Variants in ATP8A2 observed in about 807,000 individuals in gnomAD.
The protein encoded by ATP8A2 is phospholipid-transporting ATPase IB.
Under a neutral mutation model 165.6 loss-of-function variants are expected in ATP8A2, and 100 were observed. That is an observed-to-expected ratio of 0.60 (90% CI 0.51 to 0.71). ATP8A2 has a LOEUF of 0.71. Among genes scored for constraint, ATP8A2 ranks in the 30% least tolerant of loss-of-function variants. The probability of loss-of-function intolerance (pLI) is 0.00; values close to 1 mark genes in which losing one functional copy is unlikely to be tolerated. For missense variants in ATP8A2, 1,227 were observed against 1,479.5 expected (o/e 0.83, Z 2.80); for synonymous variants, 543 against 548.8 (o/e 0.99, Z 0.15).
At position 25,514,180 on chromosome 13, in the gene ATP8A2, C is replaced by T. The variant is rs916765397; in HGVS notation, c.222-15819C>T. ...TATTTTAGTTAGGCTAGCGTACTTC[C>T]AATTGCCAATAGCCATTTTATTCTG... On this transcript the variant is annotated intron_variant, in intron 2 of 36. Transcript: ENST00000381655. Among the ~76,000 whole-genome samples the T allele has an allele frequency of 3.4e-4, 52 of 152,138 alleles. 2 individuals carry two copies. Among genetic ancestry groups the T allele is most frequent in the Non-Finnish European group, 2.4e-4 (16 of 68,036 alleles).
At chr13:25,806,633 A>G (rs573091988) in intron 27 of ATP8A2, among the ~76,000 whole-genome samples, 4 of 152,242 alleles carry the variant, frequency 2.6e-5, no homozygotes, top group South Asian at 4.1e-4. Context: ...TTTCACTGCT[A>G]TGAACATCTG....
At chr13:25,471,353 G>GTT (rs1295573875) in intron 2 of ATP8A2, among the ~76,000 whole-genome samples, 23 of 143,814 alleles carry the variant, frequency 1.6e-4, no homozygotes, top group Admixed American at 2.1e-4. Flanking sequence ...GGAAGGTAAA[G>GTT]TTTTTTTTTT....
chr13:25,698,826 A>G (rs2042889869), intron 24 of ATP8A2, among the ~76,000 whole-genome samples: 1 of 152,212 alleles, frequency 6.6e-6, no homozygotes, highest in Non-Finnish European at 1.5e-5. Context: ...GAGAAATGTT[A>G]GTGTTTGCCA....
intron 2 of ATP8A2, among the ~76,000 whole-genome samples, chr13:25,510,259 C>T (rs1293068721): frequency 2.0e-5 from 3 of 151,346 alleles, no homozygotes; most frequent in African/African-American, 7.3e-5. Flanking sequence ...ACAGATTGTA[C>T]ACTTTGGGTA....
chr13:25,704,601 G>T (rs1260383924), intron 25 of ATP8A2, among the ~76,000 whole-genome samples: 1 of 152,062 alleles, frequency 6.6e-6, no homozygotes, highest in East Asian at 1.9e-4. Flanking sequence ...CTCCCAAAGT[G>T]CTGAGATTAC....
At chr13:26,008,408 G>C (rs1162080244) in intron 35 of ATP8A2, among the ~76,000 whole-genome samples, 1 of 152,140 alleles carries the variant, frequency 6.6e-6, no homozygotes, top group Non-Finnish European at 1.5e-5. Flanking sequence ...TTTAGATAAA[G>C]CTGAAGGGAG....
intron 1 of ATP8A2, among the ~76,000 whole-genome samples, chr13:25,414,922 T>G (rs1398067876): frequency 6.6e-6 from 1 of 152,184 alleles, no homozygotes; most frequent in African/African-American, 2.4e-5. Flanking sequence ...TGGCACAGGG[T>G]CATGCAGAGC....
rs17082919 is a variant in ATP8A2 at position 25,977,669 on chromosome 13, G to A, written c.3377+8990G>A. ...GTTGTTGTTATTGTTCTTATGGACC[G>A]ATGTTTAATAATTAGAAAATTTTTA... On this transcript the variant is annotated intron_variant, in intron 35 of 36. Coordinates refer to ENST00000381655, the MANE Select transcript of ATP8A2 (RefSeq NM_016529.6). Among the ~76,000 whole-genome samples the A allele has an allele frequency of 1.8e-3, 267 of 152,262 alleles. 1 individual carries two copies. Among genetic ancestry groups the A allele is most frequent in the African/African-American group, 6.0e-3 (251 of 41,548 alleles).
intron 25 of ATP8A2, among the ~76,000 whole-genome samples, chr13:25,745,143 A>G (rs942866038): frequency 5.9e-5 from 9 of 152,072 alleles, no homozygotes; most frequent in Admixed American, 1.3e-4. Flanking sequence ...GGGTTTTGCC[A>G]TGTTGGCCAG....
intron 1 of ATP8A2, 159 bp from the exon 2 acceptor site, chr13:25,468,818 C>A (rs1237968851): frequency 1.0e-6 from 1 of 983,702 alleles, no homozygotes; most frequent in Admixed American, 6.2e-5. Flanking sequence ...GCACAGGCGG[C>A]GGCGTCTCCA....
intron 27 of ATP8A2, among the ~76,000 whole-genome samples, chr13:25,775,519 A>G (rs987699413): frequency 3.9e-5 from 6 of 152,158 alleles, no homozygotes; most frequent in East Asian, 1.9e-4. Context: ...GTCATTGACA[A>G]TATTGCAGTG....
chr13:25,992,347 A>G (rs1198420335), intron 35 of ATP8A2, among the ~76,000 whole-genome samples: 2 of 151,430 alleles, frequency 1.3e-5, no homozygotes, highest in African/African-American at 2.4e-5. Context: ...TTTGCCAACT[A>G]TAGTCACTCT....
At chr13:25,522,245 G>T (rs562310445) in intron 2 of ATP8A2, among the ~76,000 whole-genome samples, 1 of 152,114 alleles carries the variant, frequency 6.6e-6, no homozygotes. Context: ...AAATGAGATT[G>T]TTTTCTTGAT....
chr13:25,555,347 T>C (rs1056996139), intron 13 of ATP8A2, among the ~76,000 whole-genome samples: 1 of 152,040 alleles, frequency 6.6e-6, no homozygotes, highest in Non-Finnish European at 1.5e-5. Context: ...TTTGGGACGC[T>C]TAAAAAAGTG....
intron 4 of ATP8A2, among the ~76,000 whole-genome samples, chr13:25,531,525 TTACA>T (rs1488456315): frequency 6.7e-6 from 1 of 150,260 alleles, no homozygotes; most frequent in Non-Finnish European, 1.5e-5. Context: ...CTCTCCTCCC[TTACA>T]TACACACACA....
intron 1 of ATP8A2, among the ~76,000 whole-genome samples, chr13:25,422,238 T>C (rs951142038): frequency 3.9e-5 from 6 of 152,232 alleles, no homozygotes; most frequent in Non-Finnish European, 5.9e-5. Context: ...AGAGGCATTT[T>C]TGAAAGCAAG....
At chr13:25,844,660 G>A (rs1483668526) in intron 30 of ATP8A2, among the ~76,000 whole-genome samples, 5 of 152,156 alleles carry the variant, frequency 3.3e-5, no homozygotes, top group African/African-American at 1.2e-4. Flanking sequence ...TAACAGAGGG[G>A]TGCCTTCAGG....
intron 11 of ATP8A2, among the ~76,000 whole-genome samples, chr13:25,552,495 G>A (rs2038854930): frequency 6.6e-6 from 1 of 152,004 alleles, no homozygotes; most frequent in African/African-American, 2.4e-5. Context: ...TTAAAATTGG[G>A]AATATATAAT....
chr13:25,522,234 T>C (rs2037694690), intron 2 of ATP8A2, among the ~76,000 whole-genome samples: 1 of 152,226 alleles, frequency 6.6e-6, no homozygotes, highest in African/African-American at 2.4e-5. Context: ...GTAGCTATTG[T>C]AAATGAGATT....
Sources: gnomAD v4.1 joint callset for allele counts (sites outside exome capture counted in the v4.1 genomes callset) on GRCh38, gnomAD v4.1.1 for gene constraint, MANE v1.5 for transcripts, NCBI Gene and HGNC (gene_info 2026-07-23, HGNC 2026-07-21) for gene names.